The following RYR2 variants were observed in gnomAD, a reference collection of about 807,000 sequenced individuals.
RYR2 encodes ryanodine receptor 2, also known as cardiac muscle ryanodine receptor-calcium release channel.
A neutral mutation model predicts 601.1 loss-of-function variants in RYR2; 227 were observed. The observed-to-expected ratio is 0.38, with a 90% CI of 0.34 to 0.42. RYR2 has a LOEUF of 0.42. Among genes scored for constraint, RYR2 ranks in the 10% least tolerant of loss-of-function variants. The pLI, the probability that RYR2 is intolerant of heterozygous loss-of-function variation, is 1.00. For missense variants in RYR2, 4,646 were observed against 6,156.5 expected (o/e 0.75, Z 8.21); for synonymous variants, 2,223 against 2,175.1 (o/e 1.02, Z -0.61).
chr1:237,644,235 G>T (rs1230982693), intron 48 of RYR2, among the ~76,000 whole-genome samples: 2 of 151,562 alleles, frequency 1.3e-5, no homozygotes, highest in East Asian at 3.9e-4. Context: ...TGTTTTTTTG[G>T]TTTTTTGTTT....
At chr1:237,720,395 T>C (rs1407217674) in intron 73 of RYR2, among the ~76,000 whole-genome samples, 2 of 152,196 alleles carry the variant, frequency 1.3e-5, no homozygotes, top group Admixed American at 6.5e-5. Flanking sequence ...ATATTCACAA[T>C]GCACAAGTAT....
intron 1 of RYR2, among the ~76,000 whole-genome samples, chr1:237,115,936 T>C (rs1032680944): frequency 1.3e-5 from 2 of 152,232 alleles, no homozygotes; most frequent in Non-Finnish European, 2.9e-5. Context: ...ACATTTCTTG[T>C]GTTTTCTTAT....
chr1:237,509,767 G>A (rs1665692176), intron 23 of RYR2, among the ~76,000 whole-genome samples: 1 of 152,198 alleles, frequency 6.6e-6, no homozygotes, highest in African/African-American at 2.4e-5. Context: ...GGGAAATCAG[G>A]GAAGGCTTCC....
At chr1:237,288,328 C>T (rs1290791403) in intron 2 of RYR2, among the ~76,000 whole-genome samples, 5 of 152,124 alleles carry the variant, frequency 3.3e-5, no homozygotes, top group Non-Finnish European at 5.9e-5. Flanking sequence ...AGCATCAGCT[C>T]TGGTAGTATT....
intron 33 of RYR2, among the ~76,000 whole-genome samples, chr1:237,594,902 T>G (rs925041850): frequency 3.0e-3 from 79 of 26,078 alleles, no homozygotes; most frequent in Admixed American, 4.3e-3. Flanking sequence ...TTTTTTTTTT[T>G]TTTTTTTTTT....
chr1:237,700,633 A>T (rs1270699496), intron 65 of RYR2, among the ~76,000 whole-genome samples, 166 bp downstream of exon 65: 1 of 152,182 alleles, frequency 6.6e-6, no homozygotes, highest in Non-Finnish European at 1.5e-5. Flanking sequence ...GATAGACACC[A>T]TTCTTACAGA....
intron 48 of RYR2, among the ~76,000 whole-genome samples, chr1:237,646,348 A>AT (rs1682156245): frequency 5.9e-5 from 9 of 151,764 alleles, no homozygotes; most frequent in East Asian, 2.0e-4. Flanking sequence ...CTCAAAAAAA[A>AT]ATTTTTTTTT....
At chr1:237,535,699 A>T (rs1264900412) in intron 25 of RYR2, among the ~76,000 whole-genome samples, 1 of 152,226 alleles carries the variant, frequency 6.6e-6, no homozygotes, top group African/African-American at 2.4e-5. Flanking sequence ...ATGCTAAGGA[A>T]CATACTGGCA....
At chr1:237,577,498 TTC>T (rs1673362001) in intron 29 of RYR2, among the ~76,000 whole-genome samples, 1 of 133,394 alleles carries the variant, frequency 7.5e-6, no homozygotes, top group Non-Finnish European at 1.7e-5. Flanking sequence ...GAGTGTGTGT[TTC>T]TGTGTGTGTG....
chr1:237,627,972 T>C lies in RYR2; in HGVS notation c.6332T>C (p.Val2111Ala), dbSNP rs548415985. Residue 2111 changes from valine (V) to alanine (A), a missense_variant, in exon 41 of 105, where the codon GTG becomes GCG. This residue lies in a region of RYR2 where 170 missense variants were observed against 184.5 expected (regional missense o/e 0.92). Transcript: ENST00000366574. Reference protein sequence around the residue: ...ALPKTYTINGVSVEDTINLLA... With the variant: ...ALPKTYTINGASVEDTINLLA... ...CCAAAGACCTACACGATAAATGGTGTGTCCGTGGAGGACACCATCAACCTG... is the reference window on the plus strand; with the variant it reads ...CCAAAGACCTACACGATAAATGGTGCGTCCGTGGAGGACACCATCAACCTG... 1.2e-6 allele frequency: 2 copies of C among 1,613,980 alleles called. No individual in the cohort carries two copies. Among genetic ancestry groups the C allele is most frequent in the East Asian group, 4.5e-5 (2 of 44,856 alleles).
At chr1:237,829,447 C>T (rs574369892) in intron 102 of RYR2, among the ~76,000 whole-genome samples, 1 of 152,228 alleles carries the variant, frequency 6.6e-6, no homozygotes, top group East Asian at 1.9e-4. Context: ...ATGGAGCAAG[C>T]AAGGGGATAT....
chr1:237,064,767 T>A (rs865972600), intron 1 of RYR2, among the ~76,000 whole-genome samples: 31,741 of 145,776 alleles, frequency 0.22, 4,597 homozygotes, highest in Middle Eastern at 0.38. Flanking sequence ...TTTTTTTTTT[T>A]TTTTTTTTTT....
intron 1 of RYR2, among the ~76,000 whole-genome samples, chr1:237,155,112 G>C (rs1199108573): frequency 6.6e-6 from 1 of 151,260 alleles, no homozygotes; most frequent in South Asian, 2.1e-4. Flanking sequence ...AGAGGGAAGT[G>C]AAATAAATTA....
chr1:237,106,147 G>C lies in RYR2; in HGVS notation c.48+63578G>C, dbSNP rs1668657233. Among the ~76,000 whole-genome samples the C allele has an allele frequency of 6.6e-6, 1 of 152,178 alleles. No homozygotes were observed. Among genetic ancestry groups the C allele is most frequent in the Non-Finnish European group, 1.5e-5 (1 of 68,042 alleles). ...CTTGCTATTACTTTTAGCCATATGG[G>C]AGTCATTGCAATCCTTTGAGCTGAG... On this transcript the variant is annotated intron_variant, in intron 1 of 104. Transcript: ENST00000366574. This position sits in a 1 kb window ranked among gnomAD's most constrained non-coding sequence, Gnocchi z 4.4.
intron 1 of RYR2, among the ~76,000 whole-genome samples, chr1:237,155,181 T>TTC (rs1429025572): frequency 6.9e-6 from 1 of 145,378 alleles, no homozygotes; most frequent in Non-Finnish European, 1.5e-5. Context: ...TTTCTTTTCT[T>TTC]TTTTTTTTTT....
intron 86 of RYR2, among the ~76,000 whole-genome samples, chr1:237,772,334 G>GT (rs1458188915): frequency 1.3e-5 from 2 of 152,024 alleles, no homozygotes; most frequent in South Asian, 2.1e-4. Context: ...TTTTTCGCCT[G>GT]TTTTTTTAGC....
At chr1:237,169,370 C>T (rs1677082480) in intron 1 of RYR2, among the ~76,000 whole-genome samples, 1 of 151,742 alleles carries the variant, frequency 6.6e-6, no homozygotes, top group African/African-American at 2.4e-5. Context: ...ACAATCTCGG[C>T]TCACTGCAAC....
chr1:237,234,309 T>A (rs1558470954), intron 1 of RYR2, among the ~76,000 whole-genome samples: 1 of 152,186 alleles, frequency 6.6e-6, no homozygotes, highest in Non-Finnish European at 1.5e-5. Context: ...AACCCTCGAA[T>A]CTTCCTCTAT....
At chr1:237,542,351 C>G (rs991955426) in intron 25 of RYR2, among the ~76,000 whole-genome samples, 1 of 152,122 alleles carries the variant, frequency 6.6e-6, no homozygotes. Flanking sequence ...CCTCAGCCTC[C>G]CATGTATTAT....
Sources: allele counts gnomAD v4.1 joint callset (sites outside exome capture counted in the v4.1 genomes callset), GRCh38; gene constraint gnomAD v4.1.1; regional missense constraint gnomAD v4.1.1; non-coding constraint Gnocchi (gnomAD v3.1); transcripts MANE v1.5; gene names NCBI Gene and HGNC (gene_info 2026-07-23, HGNC 2026-07-21).